The following EPHA10 variants were observed in gnomAD, a reference collection of about 807,000 sequenced individuals.
EPHA10 encodes ephrin type-A receptor 10.
In EPHA10, 120 loss-of-function variants were observed where a neutral mutation model predicts 109.7. That is an observed-to-expected ratio of 1.09 (90% CI 0.94 to 1.27). EPHA10 has a LOEUF of 1.27. EPHA10 is among the 50% of genes most tolerant of loss of function. The probability of loss-of-function intolerance (pLI) is 0.00; values close to 1 mark genes in which losing one functional copy is unlikely to be tolerated. For missense variants in EPHA10, 1,396 were observed against 1,411.1 expected, an observed-to-expected ratio of 0.99 and a Z score of 0.17; for synonymous variants, 640 against 618.9, an observed-to-expected ratio of 1.03 and a Z score of -0.51.
chr1:37,749,778 G>T, intron 5 of EPHA10, among the ~76,000 whole-genome samples: 1 of 152,130 alleles, frequency 6.6e-6, no homozygotes, highest in East Asian at 1.9e-4. Flanking sequence ...GAAATGCGTT[G>T]TTAGGTGATT....
chr1:37,753,368 G>A (rs1646359900), intron 4 of EPHA10, 142 bp from the exon 5 acceptor site: 1 of 477,200 alleles, frequency 2.1e-6, no homozygotes. Context: ...CGGGGAGGAG[G>A]GAACCAGGGC....
At chr1:37,736,933 CT>C (rs1406045033) in intron 5 of EPHA10, among the ~76,000 whole-genome samples, 1 of 152,006 alleles carries the variant, frequency 6.6e-6, no homozygotes, top group Non-Finnish European at 1.5e-5. Context: ...TAAAATATTG[CT>C]GAAAGAAATG....
Position 37,721,796 on chromosome 1 carries a change from C to A in EPHA10, c.2010G>T (p.Gln670His), listed in dbSNP as rs1276188345. Residue 670 changes from glutamine (Q) to histidine (H), a missense_variant, in exon 11 of 17, where the codon CAG (glutamine) becomes CAT (histidine). Coordinates refer to ENST00000373048, the MANE Select transcript of EPHA10 (RefSeq NM_001099439.2). ...GCATATGCACGGCTACGAGCAGCTC[C>A]TGGCGACCGGGGAGCTGCAAGCAGC... ...CCGCLQLPGR[Q>H]ELLVAVHMLR... 1 of 1,610,328 alleles carries A rather than the reference C, an allele frequency of 6.2e-7. No individual in the cohort carries two copies. The highest frequency in any genetic ancestry group is 1.7e-5 in the Admixed American group (1 of 59,808).
At chr1:37,721,893 C>T in intron 10 of EPHA10, 48 bp from the exon 11 acceptor site, 1 of 1,454,698 alleles carries the variant, frequency 6.9e-7, no homozygotes, top group Non-Finnish European at 9.1e-7. Context: ...ACTGCCCTGG[C>T]TGAGCTGGGC....
chr1:37,739,071 A>G (rs1646114040), intron 5 of EPHA10, among the ~76,000 whole-genome samples: 1 of 152,174 alleles, frequency 6.6e-6, no homozygotes, highest in South Asian at 2.1e-4. Context: ...TGATGGGTGC[A>G]ACAAACCAAC....
Position 37,720,722 on chromosome 1 carries a change from T to A in EPHA10, c.2208+61A>T, listed in dbSNP as rs1569625915. 3.8e-6 allele frequency: 6 copies of A among 1,595,650 alleles called. No homozygotes were observed. In the East Asian group the frequency reaches 1.1e-4, roughly 30 times the overall value. On this transcript the variant is annotated intron_variant, in intron 12 of 16. Transcript: ENST00000373048. ...TTCCAAGCCCTACCAAAGAGAAAAG[T>A]GAGGGACCCCTGCCCGCTTTACAGA...
In EPHA10 at chr1:37,761,927, G is replaced by C. The variant is rs780244767; in HGVS notation, c.328C>G (p.Arg110Gly). Reference protein sequence around the residue: ...RIFVELQFTLRDCSSIPGAAG... With the variant: ...RIFVELQFTLGDCSSIPGAAG... The stretch of plus-strand genomic sequence containing the variant: ...GCGCCAGGGATGCTGCTGCAGTCAC[G>C]GAGTGTGAACTGCAGTTCCACGAAG... The change falls in exon 3 of 17, where the codon CGT becomes GGT. Residue 110 changes from arginine to glycine, a missense_variant. By Grantham distance (125) the Arg-to-Gly change is moderately radical. Transcript: ENST00000373048. The C allele has an allele frequency of 6.2e-7, 1 of 1,613,880 alleles. No individual in the cohort carries two copies. Among genetic ancestry groups the C allele is most frequent in the South Asian group, 1.1e-5 (1 of 91,010 alleles).
intron 11 of EPHA10, among the ~76,000 whole-genome samples, chr1:37,721,288 CCTGGTGGCAGG>C (rs1402534654): frequency 6.7e-6 from 1 of 149,812 alleles, no homozygotes; most frequent in Non-Finnish European, 1.5e-5. Flanking sequence ...ATTAGCCGGG[CCTGGTGGCAGG>C]CACCTGTAGT....
chr1:37,722,324 G>A, intron 10 of EPHA10: 1 of 230,786 alleles, frequency 4.3e-6, no homozygotes, highest in Non-Finnish European at 8.9e-6. Flanking sequence ...GCATATGCCA[G>A]CACGCCGACT....
intron 1 of EPHA10, 55 bp from the exon 2 acceptor site, chr1:37,762,904 A>G: frequency 6.7e-7 from 1 of 1,491,562 alleles, no homozygotes; most frequent in South Asian, 1.3e-5. Context: ...GTTTAGCAAG[A>G]GAGTGGAATC....
At chr1:37,738,198 C>T (rs1318755293) in intron 5 of EPHA10, 2 of 151,966 alleles carry the variant, frequency 1.3e-5, no homozygotes, top group East Asian at 1.9e-4. Flanking sequence ...GAAGCCCCGT[C>T]TGTACTAAAA....
At position 37,723,257 on chromosome 1, in the gene EPHA10, A is replaced by C. The variant is rs1569639278; in HGVS notation, c.1834+54T>G. 6.2e-6 allele frequency: 10 copies of C among 1,609,684 alleles called. 1 individual carries two copies. The East Asian group carries it at 2.2e-4, about 36-fold the overall frequency. On this transcript the variant is annotated intron_variant, in intron 9 of 16. Coordinates refer to ENST00000373048, the MANE Select transcript of EPHA10 (RefSeq NM_001099439.2). ...TGCAGTGTAGCAAGGCAGAGGGCTG[A>C]GGAGTGAGGCAGGGTGGAGCCCGCC...
At position 37,723,373 on chromosome 1, in the gene EPHA10, C is replaced by G. The variant is rs1184320648; in HGVS notation, c.1773-1G>C. On this transcript the variant is annotated splice_acceptor_variant, in intron 8 of 16. Transcript: ENST00000373048. LOFTEE classifies it high-confidence loss of function. Reference sequence around the variant, plus strand: ...TCCTCCTTTGCCATAGCTGCAGGGCCTGGCAGGGAGTTCAGGGTCATTCTT... The same window carrying G: ...TCCTCCTTTGCCATAGCTGCAGGGCGTGGCAGGGAGTTCAGGGTCATTCTT... 2 of 1,614,002 alleles carry G rather than the reference C, an allele frequency of 1.2e-6. No individual in the cohort carries two copies. Among genetic ancestry groups the G allele is most frequent in the Non-Finnish European group, 1.7e-6 (2 of 1,180,002 alleles).
downstream of EPHA10, among the ~76,000 whole-genome samples, chr1:37,714,319 T>A (rs150540029): frequency 2.0e-5 from 3 of 152,340 alleles, no homozygotes; most frequent in East Asian, 5.8e-4. Context: ...CAAGGACTCA[T>A]GTGGTCCAAG....
Position 37,716,913 on chromosome 1 carries a change from G to A in EPHA10, c.*1459C>T, listed in dbSNP as rs1315835058. On this transcript the variant is annotated 3_prime_UTR_variant, in exon 17 of 17. Coordinates refer to ENST00000373048, the MANE Select transcript of EPHA10 (RefSeq NM_001099439.2). ...CTGGGGGGCCCTGGGCACTGTGGAT[G>A]GTGCCCTGGAATTACTTCTTGGTAC... is the stretch of plus-strand genomic sequence containing the variant. The A allele has an allele frequency of 4.3e-6, 1 of 232,972 alleles. No individual in the cohort carries two copies. Among genetic ancestry groups the A allele is most frequent in the Admixed American group, 5.6e-5 (1 of 17,768 alleles). The allele number at this position is 232,972 out of a possible 1,614,324, so 14.4% of individuals were successfully genotyped here. A position where few individuals can be genotyped will look rare whatever the true frequency, so the allele number is the denominator to read the frequency against.
Position 37,716,448 on chromosome 1 carries a change from T to C in EPHA10, c.*1924A>G. 1 of 234,164 alleles carries C rather than the reference T, an allele frequency of 4.3e-6. No individual in the cohort carries two copies. Among genetic ancestry groups the C allele is most frequent in the Non-Finnish European group, 8.4e-6 (1 of 118,884 alleles). The allele number at this position is 234,164 out of a possible 1,614,324, so 14.5% of individuals were successfully genotyped here. ...GGGAAGGCGGATCCTGGAGGGCACC[T>C]GGCCGGGGGCTCCCCCAACCCTGAC... On this transcript the variant is annotated 3_prime_UTR_variant, in exon 17 of 17. Coordinates refer to ENST00000373048, the MANE Select transcript of EPHA10 (RefSeq NM_001099439.2).
In EPHA10 at chr1:37,754,346, A is replaced by T; in HGVS notation, c.875T>A (p.Val292Glu). ...CEACPPGFYK[V>E]SPRRPLCSPC... The stretch of plus-strand genomic sequence containing the variant: ...TGAGCAGAGGGGCCGCCGCGGGGAC[A>T]CCTTGTAAAACCCTGGGGGACAGGC... The change falls in exon 4 of 17, where the codon GTG becomes GAG. Residue 292 changes from valine (V) to glutamate (E), a missense_variant. Coordinates refer to ENST00000373048, the MANE Select transcript of EPHA10 (RefSeq NM_001099439.2). The surrounding 1 kb of genome is among the most constrained non-coding windows in gnomAD (Gnocchi z 4.5). 4.6e-6 allele frequency: 6 copies of T among 1,304,516 alleles called. No homozygotes were observed. The highest frequency in any genetic ancestry group is 5.9e-6 in the Non-Finnish European group (6 of 1,020,598). The allele number at this position is 1,304,516 out of a possible 1,614,324, so 80.8% of individuals were successfully genotyped here.
intron 5 of EPHA10, among the ~76,000 whole-genome samples, chr1:37,743,671 C>T (rs2148349239): frequency 1.8e-5 from 1 of 54,132 alleles, no homozygotes; most frequent in East Asian, 4.6e-4. Flanking sequence ...CAATAAATTA[C>T]ATGATACTCA....
intron 15 of EPHA10, chr1:37,719,106 A>C (rs1253820522): frequency 1.7e-6 from 1 of 591,028 alleles, no homozygotes; most frequent in African/African-American, 1.9e-5. Flanking sequence ...GGAACAACGA[A>C]TATTAATTTC....
Sources: gnomAD v4.1 joint callset for allele counts (sites outside exome capture counted in the v4.1 genomes callset) on GRCh38, gnomAD v4.1.1 for gene constraint, Gnocchi (gnomAD v3.1) non-coding constraint, MANE v1.5 for transcripts, NCBI Gene and HGNC (gene_info 2026-07-23, HGNC 2026-07-21) for gene names.